Variants in ADGRA2 observed in about 807,000 individuals in gnomAD.
ADGRA2 encodes G-protein coupled receptor 124.
In ADGRA2, 61 loss-of-function variants were observed where a neutral mutation model predicts 98.7. The observed-to-expected ratio is 0.62, with a 90% CI of 0.50 to 0.76. The LOEUF is 0.76. ADGRA2 is among the 30% of genes least tolerant of loss of function. ADGRA2 has a pLI of 0.00. For synonymous variants in ADGRA2, 858 were observed against 831.5 expected (o/e 1.03, Z -0.55); for missense variants, 1,712 against 1,860.0 (o/e 0.92, Z 1.46).
At chr8:37,838,869 C>T in intron 14 of ADGRA2, 87 bp from the exon 15 acceptor site, 1 of 1,463,644 alleles carries the variant, frequency 6.8e-7, no homozygotes, top group Non-Finnish European at 9.2e-7. Context: ...AGGACCAAGG[C>T]TGACGGGGCC....
chr8:37,801,709 C>G (rs1169899781), intron 1 of ADGRA2, among the ~76,000 whole-genome samples: 1 of 152,210 alleles, frequency 6.6e-6, no homozygotes, highest in African/African-American at 2.4e-5. Flanking sequence ...CCACATCTTA[C>G]AGCTGAGCAA....
chr8:37,798,963 GCTGGGGTTTGAGGGTCCAGGCAGGC>G (rs1450092378), intron 1 of ADGRA2, among the ~76,000 whole-genome samples: 3 of 152,216 alleles, frequency 2.0e-5, no homozygotes, highest in Non-Finnish European at 2.9e-5. Context: ...CTGACTGTCC[GCTGGGGTTTGAGGGTCCAGGCAGGC>G]CTGGGCATTC....
At position 37,841,054 on chromosome 8, in the gene ADGRA2, T is replaced by C; in HGVS notation, c.2748-32T>C. ...CCAGCCCCACCCCAGCCATGCCCCC[T>C]GTCCTCATCACTGCTTCTGTGTCTC... On this transcript the variant is annotated intron_variant, in intron 18 of 18. Transcript: ENST00000412232. The surrounding 1 kb of genome is among the most constrained non-coding windows in gnomAD (Gnocchi z 5.0). 9.4e-7 allele frequency: 1 copy of C among 1,068,016 alleles called. No individual in the cohort carries two copies. Among genetic ancestry groups the C allele is most frequent in the Non-Finnish European group, 1.3e-6 (1 of 767,050 alleles). The allele number at this position is 1,068,016 out of a possible 1,614,324, so 66.2% of individuals were successfully genotyped here.
chr8:37,811,915 C>A (rs1451502122), intron 1 of ADGRA2, among the ~76,000 whole-genome samples: 2 of 148,396 alleles, frequency 1.3e-5, no homozygotes, highest in Non-Finnish European at 1.5e-5. Context: ...CCAACCTGGC[C>A]AACATGGTGA....
chr8:37,831,685 T>G, intron 8 of ADGRA2, 98 bp downstream of exon 8: 9 of 1,038,206 alleles, frequency 8.7e-6, no homozygotes, highest in Non-Finnish European at 1.3e-5. Flanking sequence ...CCGCTGTCTC[T>G]GTTGGGTCCT....
chr8:37,831,479 T>G lies in ADGRA2; in HGVS notation c.989T>G (p.Val330Gly). ...VWASGEWECTVSMAQGNASKK... is the reference protein window; with the variant it reads ...VWASGEWECTGSMAQGNASKK... Reference sequence around the variant, plus strand: ...GCCTCAGGCGAGTGGGAGTGCACCGTGTCCATGGCCCAAGGCAACGCCAGC... The same window carrying G: ...GCCTCAGGCGAGTGGGAGTGCACCGGGTCCATGGCCCAAGGCAACGCCAGC... Residue 330 changes from valine to glycine, a missense_variant, in exon 8 of 19, where the codon GTG (valine) becomes GGG (glycine). Coordinates refer to ENST00000412232, the MANE Select transcript of ADGRA2 (RefSeq NM_032777.10). 1 of 1,613,666 alleles carries G rather than the reference T, an allele frequency of 6.2e-7. No individual in the cohort carries two copies. The highest frequency in any genetic ancestry group is 8.5e-7 in the Non-Finnish European group (1 of 1,180,012).
At chr8:37,818,520 C>A (rs1199573705) in intron 2 of ADGRA2, among the ~76,000 whole-genome samples, 1 of 152,264 alleles carries the variant, frequency 6.6e-6, no homozygotes, top group African/African-American at 2.4e-5. Context: ...CAGCATCTGG[C>A]TTGATGCCGA....
In ADGRA2 at chr8:37,828,911, G is replaced by C; in HGVS notation, c.362G>C (p.Ser121Thr). The C allele has an allele frequency of 1.3e-6, 2 of 1,597,946 alleles. No individual in the cohort carries two copies. The highest frequency in any genetic ancestry group is 1.7e-6 in the Non-Finnish European group (2 of 1,173,274). ...AGGGACCTGAGGAACAACATCATCAGCACAGTGCAGCCGGGCGCCTTCCTG... is the reference window on the plus strand; with the variant it reads ...AGGGACCTGAGGAACAACATCATCACCACAGTGCAGCCGGGCGCCTTCCTG... ...EKLDLRNNII[S>T]TVQPGAFLGL... The change falls in exon 3 of 19, where the codon AGC becomes ACC. Residue 121 changes from serine to threonine, a missense_variant. Transcript: ENST00000412232.
chr8:37,841,814 C>A lies in ADGRA2; in HGVS notation c.3476C>A (p.Pro1159Gln). The A allele has an allele frequency of 6.5e-7, 1 of 1,530,264 alleles. No homozygotes were observed. Among genetic ancestry groups the A allele is most frequent in the Non-Finnish European group, 8.7e-7 (1 of 1,143,898 alleles). The allele number at this position is 1,530,264 out of a possible 1,614,324, so 94.8% of individuals were successfully genotyped here. A position where few individuals can be genotyped will look rare whatever the true frequency, so the allele number is the denominator to read the frequency against. Reference sequence around the variant, plus strand: ...GCGGCGGCCGGCGGGGAAGGAGAGCCGGAGCCGGCGGGCACCCGGGGAAAC... The same window carrying A: ...GCGGCGGCCGGCGGGGAAGGAGAGCAGGAGCCGGCGGGCACCCGGGGAAAC... ...AGAAAGGEGE[P>Q]EPAGTRGNLA... is the part of the protein sequence containing the mutation. Residue 1159 changes from proline (P) to glutamine (Q), a missense_variant, in exon 19 of 19, where the codon CCG becomes CAG. Physicochemically the swap from Pro to Gln is moderately conservative, Grantham distance 76. Coordinates refer to ENST00000412232, the MANE Select transcript of ADGRA2 (RefSeq NM_032777.10). This position sits in a 1 kb window ranked among gnomAD's most constrained non-coding sequence, Gnocchi z 5.0.
chr8:37,839,660 G>A lies in ADGRA2; in HGVS notation c.2511+38G>A, dbSNP rs1358378047. 15 of 1,609,640 alleles carry A rather than the reference G, an allele frequency of 9.3e-6. 1 individual carries two copies. The Admixed American group carries it at 1.8e-4, about 20-fold the overall frequency. ...AGGGGCTCTGGGGGTGGTGCTCCGA[G>A]ATGAGTGCTGGCACCTAGGCATAGA... On this transcript the variant is annotated intron_variant, in intron 16 of 18. Coordinates refer to ENST00000412232, the MANE Select transcript of ADGRA2 (RefSeq NM_032777.10).
chr8:37,840,396 G>A, intron 17 of ADGRA2, 130 bp downstream of exon 17: 4 of 949,086 alleles, frequency 4.2e-6, no homozygotes, highest in Admixed American at 3.7e-5. Flanking sequence ...GGGGAGGCTA[G>A]GCCCTAGACT....
Position 37,841,673 on chromosome 8 carries a change from A to AG in ADGRA2, c.3338dup (p.Ser1116LeufsTer150), listed in dbSNP as rs777745333. On this transcript the variant is annotated frameshift_variant, in exon 19 of 19. Transcript: ENST00000412232. LOFTEE classifies it low-confidence loss of function (END_TRUNC). This position sits in a 1 kb window ranked among gnomAD's most constrained non-coding sequence, Gnocchi z 5.0. ...GAGGACGGTTCCCCGGTGTTCGGGG[A>AG]GGGCCCCCCCTCCCTCAAGTCCTCC... is the stretch of plus-strand genomic sequence containing the variant. 869 of 1,529,194 alleles carry AG rather than the reference A, an allele frequency of 5.7e-4. 1 individual carries two copies. The highest frequency in any genetic ancestry group is 1.9e-3 in the East Asian group (79 of 40,786). 94.7% of individuals were successfully genotyped at this position (1,529,194 alleles called of 1,614,324 possible). A position where few individuals can be genotyped will look rare whatever the true frequency, so the allele number is the denominator to read the frequency against.
intron 1 of ADGRA2, among the ~76,000 whole-genome samples, chr8:37,805,523 G>A (rs933196817): frequency 6.6e-6 from 1 of 151,910 alleles, no homozygotes; most frequent in African/African-American, 2.4e-5. Flanking sequence ...GATCACTTGA[G>A]GCCAGGGGTT....
chr8:37,808,587 T>C (rs1804743462), intron 1 of ADGRA2, among the ~76,000 whole-genome samples: 3 of 150,682 alleles, frequency 2.0e-5, no homozygotes, highest in South Asian at 2.1e-4. Context: ...TGTGTGTGTG[T>C]GCATGGGCCT....
chr8:37,830,744 C>A lies in ADGRA2; in HGVS notation c.753C>A (p.Ile251=). 1 of 1,606,106 alleles carries A rather than the reference C, an allele frequency of 6.2e-7. No homozygotes were observed. Among genetic ancestry groups the A allele is most frequent in the Non-Finnish European group, 8.5e-7 (1 of 1,176,670 alleles). The change falls in exon 7 of 19, where the codon ATC becomes ATA. Residue 251 remains isoleucine (I), a synonymous_variant. Coordinates refer to ENST00000412232, the MANE Select transcript of ADGRA2 (RefSeq NM_032777.10). This position sits in a 1 kb window ranked among gnomAD's most constrained non-coding sequence, Gnocchi z 4.8. ...GALELHTHHL[I]PSLRQVVFQG... is the part of the protein sequence containing the mutation. Reference sequence around the variant, plus strand: ...TGGAGCTGCACACACACCACCTCATCCCGTCCCTACGCCAAGTGGTGTTCC... The same window carrying A: ...TGGAGCTGCACACACACCACCTCATACCGTCCCTACGCCAAGTGGTGTTCC...
rs568777004 is a variant in ADGRA2, at chr8:37,837,668, C to T, written c.2051-63C>T. 1,011 of 1,388,948 alleles carry T rather than the reference C, an allele frequency of 7.3e-4. 2 individuals carry two copies. Among genetic ancestry groups the T allele is most frequent in the Admixed American group, 1.3e-3 (64 of 50,810 alleles). 86.0% of individuals were successfully genotyped at this position (1,388,948 alleles called of 1,614,324 possible). A position where few individuals can be genotyped will look rare whatever the true frequency, so the allele number is the denominator to read the frequency against. On this transcript the variant is annotated intron_variant, in intron 13 of 18. Coordinates refer to ENST00000412232, the MANE Select transcript of ADGRA2 (RefSeq NM_032777.10). The stretch of plus-strand genomic sequence containing the variant: ...TGTCACTGCTGCTGCTGCTGAGTCC[C>T]GGCTGAGCCCACCTCCCTGACACCC...
chr8:37,818,871 A>T (rs975960024), intron 2 of ADGRA2, among the ~76,000 whole-genome samples: 5 of 152,178 alleles, frequency 3.3e-5, no homozygotes, highest in Non-Finnish European at 4.4e-5. Flanking sequence ...CTTGCTGATG[A>T]CATGCCTGGG....
Position 37,802,978 on chromosome 8 carries a change from C to T in ADGRA2, c.266+5444C>T, listed in dbSNP as rs1563336626. The stretch of plus-strand genomic sequence containing the variant: ...TGAACCCAACCACTCCTGAAGCCAC[C>T]GAAGTCCCTGCCTGCTGGCTACCAC... On this transcript the variant is annotated intron_variant, in intron 1 of 18. Coordinates refer to ENST00000412232, the MANE Select transcript of ADGRA2 (RefSeq NM_032777.10). The surrounding 1 kb of genome is among the most constrained non-coding windows in gnomAD (Gnocchi z 4.7). Among the ~76,000 whole-genome samples the T allele has an allele frequency of 6.6e-6, 1 of 152,158 alleles. No homozygotes were observed. Among genetic ancestry groups the T allele is most frequent in the Non-Finnish European group, 1.5e-5 (1 of 68,034 alleles).
At chr8:37,829,046 T>A in intron 3 of ADGRA2, 87 bp downstream of exon 3, 2 of 546,710 alleles carry the variant, frequency 3.7e-6, no homozygotes, top group Non-Finnish European at 4.9e-6. Context: ...CCCCTTCCTC[T>A]CACCCCCCCA....
Sources: gnomAD v4.1 joint callset for allele counts (sites outside exome capture counted in the v4.1 genomes callset) on GRCh38, gnomAD v4.1.1 for gene constraint, Gnocchi (gnomAD v3.1) non-coding constraint, MANE v1.5 for transcripts, NCBI Gene and HGNC (gene_info 2026-07-23, HGNC 2026-07-21) for gene names.